ASS1: variants seen among roughly 807,000 people sequenced by gnomAD.
ASS1 encodes argininosuccinate synthase.
ASS1 carries 58 observed loss-of-function variants against 60.5 expected under a neutral mutation model. The ratio of observed to expected loss-of-function variants is 0.96; its 90% CI spans 0.78 to 1.19. The LOEUF (loss-of-function observed/expected upper bound fraction) is 1.19, where lower values mean the gene tolerates loss of function less well. Ranked by LOEUF, ASS1 falls within the 50% of genes most tolerant of loss-of-function variation. The pLI is 0.00. For missense variants in ASS1, 454 were observed against 547.3 expected (o/e 0.83, Z 1.70); for synonymous variants, 200 against 206.9 (o/e 0.97, Z 0.29).
chr9:130,447,179 A>G (rs548432282), intron 1 of ASS1, among the ~76,000 whole-genome samples: 1 of 152,220 alleles, frequency 6.6e-6, no homozygotes, highest in African/African-American at 2.4e-5. Context: ...AGGTGTGTAG[A>G]GTGAAGGGGA....
chr9:130,448,422 G>GCGCGCACACACACACACACACACA (rs71387350), intron 1 of ASS1, among the ~76,000 whole-genome samples: 2 of 143,294 alleles, frequency 1.4e-5, no homozygotes, highest in African/African-American at 5.5e-5. Context: ...GTGTGCGCGC[G>GCGCGCACACACACACACACACACA]CACACACACA....
In ASS1 at chr9:130,492,177, C is replaced by T. The variant is rs565819956; in HGVS notation, c.971-2690C>T. On this transcript the variant is annotated intron_variant, in intron 12 of 14. Transcript: ENST00000352480. ...CCGGCGTGGTTTCCCAGTGTGGAGG[C>T]GCGGCACTTGGAGTCTTGCCTCTGG... Among the ~76,000 whole-genome samples the T allele has an allele frequency of 3.7e-4, 56 of 152,294 alleles. No homozygotes were observed. The South Asian group carries it at 8.3e-3, about 23-fold the overall frequency.
chr9:130,471,577 G>T, intron 8 of ASS1, 62 bp downstream of exon 8: 1 of 1,545,318 alleles, frequency 6.5e-7, no homozygotes, highest in Non-Finnish European at 8.9e-7. Flanking sequence ...GCTCCATGCC[G>T]ATGCTGTCTG....
intron 11 of ASS1, among the ~76,000 whole-genome samples, chr9:130,480,775 G>T (rs921697268): frequency 1.5e-4 from 23 of 152,210 alleles, no homozygotes; most frequent in African/African-American, 5.3e-4. Flanking sequence ...GGGCAGGCCG[G>T]GTGTGGAGGC....
chr9:130,454,238 A>T, intron 2 of ASS1, 67 bp from the exon 3 acceptor site: 2 of 1,514,134 alleles, frequency 1.3e-6, no homozygotes, highest in South Asian at 1.2e-5. Flanking sequence ...AGGCTGCTGC[A>T]TGCGGATGGT....
At chr9:130,471,340 T>C in intron 7 of ASS1, 145 bp from the exon 8 acceptor site, 4 of 998,860 alleles carry the variant, frequency 4.0e-6, no homozygotes, top group South Asian at 1.4e-5. Context: ...GGGCCCAGAA[T>C]GTTTCAGGCA....
At position 130,501,243 on chromosome 9, in the gene ASS1, CAATT is replaced by C. The variant is rs886063534; in HGVS notation, c.*225_*228del. The C allele has an allele frequency of 7.6e-5, 42 of 552,230 alleles. No homozygotes were observed. Among genetic ancestry groups the C allele is most frequent in the Middle Eastern group, 1.0e-3 (2 of 1,966 alleles). 34.2% of individuals were successfully genotyped at this position (552,230 alleles called of 1,614,324 possible). A position where few individuals can be genotyped will look rare whatever the true frequency, so the allele number is the denominator to read the frequency against. ...CTGCGGTGGGGAGCTATAAAAATGA[CAATT>C]AAAAGAGACACTAGTCTTTTATTTC... On this transcript the variant is annotated 3_prime_UTR_variant, in exon 15 of 15. Transcript: ENST00000352480.
At chr9:130,475,974 G>A (rs1316927320) in intron 8 of ASS1, among the ~76,000 whole-genome samples, 1 of 152,132 alleles carries the variant, frequency 6.6e-6, no homozygotes, top group Non-Finnish European at 1.5e-5. Context: ...GCCCAGGCTG[G>A]TGTCGAACTC....
At chr9:130,479,676 G>A (rs767542990) in intron 9 of ASS1, 40 bp from the exon 10 acceptor site, 1 of 1,531,308 alleles carries the variant, frequency 6.5e-7, no homozygotes, top group Non-Finnish European at 9.0e-7. Flanking sequence ...CCTCCGCTGA[G>A]CCGGGCCCAG....
In ASS1 at chr9:130,501,084, A is replaced by C; in HGVS notation, c.*63A>C. Reference sequence around the variant, plus strand: ...GCAGATCCCCCAAGTACAGGCGCTAATTGTTGTGATAATTTGTAATTGTGA... The same window carrying C: ...GCAGATCCCCCAAGTACAGGCGCTACTTGTTGTGATAATTTGTAATTGTGA... On this transcript the variant is annotated 3_prime_UTR_variant, in exon 15 of 15. Transcript: ENST00000352480. 6.6e-7 allele frequency: 1 copy of C among 1,515,322 alleles called. No homozygotes were observed. Among genetic ancestry groups the C allele is most frequent in the South Asian group, 1.1e-5 (1 of 89,096 alleles). 93.9% of individuals were successfully genotyped at this position (1,515,322 alleles called of 1,614,324 possible).
At chr9:130,490,343 C>T (rs1312474334) in intron 12 of ASS1, among the ~76,000 whole-genome samples, 1 of 151,726 alleles carries the variant, frequency 6.6e-6, no homozygotes, top group Non-Finnish European at 1.5e-5. Flanking sequence ...GACGGACTTT[C>T]GCTCTTGTTG....
intron 13 of ASS1, among the ~76,000 whole-genome samples, chr9:130,497,502 GAAAA>G (rs1487299458): frequency 6.7e-6 from 1 of 149,292 alleles, no homozygotes; most frequent in South Asian, 2.1e-4. Context: ...AAAAAAAAAA[GAAAA>G]AAATCATTGT....
intron 5 of ASS1, among the ~76,000 whole-genome samples, chr9:130,465,257 G>A (rs1239433924): frequency 6.6e-6 from 1 of 151,646 alleles, no homozygotes; most frequent in Non-Finnish European, 1.5e-5. Flanking sequence ...CTGACCTCGT[G>A]ATCTGCCCGC....
chr9:130,480,530 C>T (rs1846144877), intron 11 of ASS1, 81 bp downstream of exon 11: 13 of 1,473,174 alleles, frequency 8.8e-6, no homozygotes, highest in Middle Eastern at 2.2e-4. Flanking sequence ...CCCCTTTGGA[C>T]GCTACTACCC....
chr9:130,445,217 A>G, intron 1 of ASS1: 3 of 983,052 alleles, frequency 3.1e-6, no homozygotes, highest in Non-Finnish European at 3.6e-6. Flanking sequence ...AGCGTGGGGG[A>G]CGCGGCGGGG....
rs1326353604 is a variant in ASS1, at chr9:130,488,777, G to C, written c.839-556G>C. 1.3e-5 allele frequency among the ~76,000 whole-genome samples: 2 copies of C among 152,206 alleles called. No homozygotes were observed. The highest frequency in any genetic ancestry group is 2.9e-5 in the Non-Finnish European group (2 of 68,032). On this transcript the variant is annotated intron_variant, in intron 11 of 14. Coordinates refer to ENST00000352480, the MANE Select transcript of ASS1 (RefSeq NM_054012.4). The surrounding 1 kb of genome is among the most constrained non-coding windows in gnomAD (Gnocchi z 5.2). ...CAAGTCCCTTCTCCTCTTGAGCTCA[G>C]TTTCCCCATCTGCACGGTGCGGTCA...
In ASS1 at chr9:130,501,159, G is replaced by A; in HGVS notation, c.*138G>A. 1.0e-6 allele frequency: 1 copy of A among 967,144 alleles called. No individual in the cohort carries two copies. The highest frequency in any genetic ancestry group is 1.3e-5 in the South Asian group (1 of 75,320). 59.9% of individuals were successfully genotyped at this position (967,144 alleles called of 1,614,324 possible). A position where few individuals can be genotyped will look rare whatever the true frequency, so the allele number is the denominator to read the frequency against. ...AGTGGGGCTGCCAGGCCCCAGCTTTGTTCCCTGGTCCCCCTGAAGCCTGCA... is the reference window on the plus strand; with the variant it reads ...AGTGGGGCTGCCAGGCCCCAGCTTTATTCCCTGGTCCCCCTGAAGCCTGCA... On this transcript the variant is annotated 3_prime_UTR_variant, in exon 15 of 15. Coordinates refer to ENST00000352480, the MANE Select transcript of ASS1 (RefSeq NM_054012.4).
intron 1 of ASS1, 104 bp from the exon 2 acceptor site, chr9:130,452,120 A>T: frequency 1.0e-6 from 1 of 964,042 alleles, no homozygotes; most frequent in Non-Finnish European, 1.6e-6. Flanking sequence ...TGCCCAGGAG[A>T]CAAGGCTGTC....
At chr9:130,457,371 T>C (rs1845471364) in intron 3 of ASS1, among the ~76,000 whole-genome samples, 1 of 152,116 alleles carries the variant, frequency 6.6e-6, no homozygotes, top group Non-Finnish European at 1.5e-5. Flanking sequence ...CTCAAGAGGC[T>C]GAGGTGGGAG....
Sources: gnomAD v4.1 joint callset for allele counts (sites outside exome capture counted in the v4.1 genomes callset) on GRCh38, gnomAD v4.1.1 for gene constraint, Gnocchi (gnomAD v3.1) non-coding constraint, MANE v1.5 for transcripts, NCBI Gene and HGNC (gene_info 2026-07-23, HGNC 2026-07-21) for gene names.